The following B3GALT1 variants were observed in gnomAD, a reference collection of about 807,000 sequenced individuals.
B3GALT1 encodes beta-1,3-galactosyltransferase 1, also known as UDP-Gal:betaGlcNAc beta 1,3-galactosyltransferase, polypeptide 1.
B3GALT1 carries 10 observed loss-of-function variants against 23.2 expected under a neutral mutation model. The ratio of observed to expected loss-of-function variants is 0.43; its 90% CI spans 0.27 to 0.73. The LOEUF (loss-of-function observed/expected upper bound fraction) is 0.73, where lower values mean the gene tolerates loss of function less well. B3GALT1 is among the 30% of genes least tolerant of loss of function. The pLI is 0.21. For synonymous variants in B3GALT1, 156 were observed against 141.5 expected, an observed-to-expected ratio of 1.10 and a Z score of -0.73; for missense variants, 299 against 405.4, an observed-to-expected ratio of 0.74 and a Z score of 2.25.
intron 4 of B3GALT1, among the ~76,000 whole-genome samples, chr2:167,867,168 C>T (rs563870512): frequency 1.6e-4 from 24 of 152,244 alleles, no homozygotes; most frequent in Middle Eastern, 3.4e-3. Context: ...CCTCGTGATC[C>T]GCCCCCCTTG....
intron 1 of B3GALT1, among the ~76,000 whole-genome samples, chr2:167,354,892 A>G (rs1045187061): frequency 6.6e-6 from 1 of 150,684 alleles, no homozygotes; most frequent in Non-Finnish European, 1.5e-5. Context: ...CACTCATATT[A>G]TACATCAACC....
intron 4 of B3GALT1, among the ~76,000 whole-genome samples, chr2:167,866,883 C>G (rs944373621): frequency 6.6e-6 from 1 of 152,176 alleles, no homozygotes; most frequent in African/African-American, 2.4e-5. Context: ...TCACTTACAA[C>G]CTTTTGTAAT....
chr2:167,764,633 G>A (rs973132554), intron 3 of B3GALT1, among the ~76,000 whole-genome samples: 50 of 152,180 alleles, frequency 3.3e-4, no homozygotes, highest in African/African-American at 1.2e-3. Context: ...TATATTTCTA[G>A]ATAAATGCAC....
At chr2:167,557,360 AT>A (rs1401148395) in intron 2 of B3GALT1, among the ~76,000 whole-genome samples, 1 of 152,222 alleles carries the variant, frequency 6.6e-6, no homozygotes, top group Non-Finnish European at 1.5e-5. Context: ...AAACCTTATC[AT>A]TTTGATGCAA....
At chr2:167,534,014 T>C (rs1032035453) in intron 2 of B3GALT1, among the ~76,000 whole-genome samples, 2 of 151,680 alleles carry the variant, frequency 1.3e-5, no homozygotes, top group Non-Finnish European at 2.9e-5. Context: ...TTATGATAAT[T>C]ATTCATTTTT....
chr2:167,468,754 C>A (rs1485093207), intron 1 of B3GALT1, among the ~76,000 whole-genome samples: 1 of 152,102 alleles, frequency 6.6e-6, no homozygotes, highest in Admixed American at 6.6e-5. Context: ...TGCCTGAGTC[C>A]CAGCTACTTG....
chr2:167,520,787 C>T (rs972770658), intron 2 of B3GALT1, among the ~76,000 whole-genome samples: 10 of 152,112 alleles, frequency 6.6e-5, no homozygotes, highest in Non-Finnish European at 1.2e-4. Flanking sequence ...TTAAAATTTC[C>T]GTTGAAATCT....
chr2:167,400,176 G>GTGTGTGTGTGTC (rs1432387572), intron 1 of B3GALT1, among the ~76,000 whole-genome samples: 1 of 151,124 alleles, frequency 6.6e-6, no homozygotes, highest in African/African-American at 2.4e-5. Flanking sequence ...CTGTGTGTGT[G>GTGTGTGTGTGTC]TGTGTGTGTG....
chr2:167,872,317 C>T lies in B3GALT1; in HGVS notation c.*2297C>T, dbSNP rs1056746913. 6.6e-6 allele frequency: 1 copy of T among 152,188 alleles called. No homozygotes were observed. The highest frequency in any genetic ancestry group is 1.5e-5 in the Non-Finnish European group (1 of 68,066). 9.4% of individuals were successfully genotyped at this position (152,188 alleles called of 1,614,324 possible). ...CTTGTTTCTGCAAAACACGATCTCT[C>T]ATCCCCCACCCGAAAGGACCTGATA... is the stretch of plus-strand genomic sequence containing the variant. On this transcript the variant is annotated 3_prime_UTR_variant, in exon 5 of 5. Transcript: ENST00000392690.
chr2:167,745,913 T>C (rs1378808403), intron 3 of B3GALT1, among the ~76,000 whole-genome samples: 2 of 152,214 alleles, frequency 1.3e-5, no homozygotes, highest in Admixed American at 6.5e-5. Flanking sequence ...ACTTGAATTG[T>C]ATATTTATGA....
At chr2:167,493,640 T>G (rs1699740039) in intron 2 of B3GALT1, among the ~76,000 whole-genome samples, 1 of 152,104 alleles carries the variant, frequency 6.6e-6, no homozygotes, top group Admixed American at 6.6e-5. Context: ...ATGTTCTCTA[T>G]TTTCTATAAA....
intron 1 of B3GALT1, among the ~76,000 whole-genome samples, chr2:167,468,697 C>A (rs1296301656): frequency 6.6e-6 from 1 of 152,104 alleles, no homozygotes; most frequent in Non-Finnish European, 1.5e-5. Flanking sequence ...CATGGTGAAG[C>A]CCCATCTGTA....
chr2:167,330,658 G>T (rs1412645043), intron 1 of B3GALT1, among the ~76,000 whole-genome samples: 1 of 152,056 alleles, frequency 6.6e-6, no homozygotes, highest in African/African-American at 2.4e-5. Flanking sequence ...TTCTTTCAAT[G>T]AATTCTTCAG....
chr2:167,463,578 T>C (rs1226110937), intron 1 of B3GALT1, among the ~76,000 whole-genome samples: 1 of 152,200 alleles, frequency 6.6e-6, no homozygotes, highest in African/African-American at 2.4e-5. Context: ...AATCACTTAC[T>C]TGACCATTTC....
In B3GALT1 at chr2:167,458,534, A is replaced by G. The variant is rs141652021; in HGVS notation, c.-510-31643A>G. Among the ~76,000 whole-genome samples, 598 of 152,302 alleles carry G rather than the reference A, an allele frequency of 3.9e-3. 5 individuals carry two copies. The highest frequency in any genetic ancestry group is 0.014 in the South Asian group (67 of 4,824). ...TTTTAATTTTTTGAGAAACTTCTCT[A>G]CTGTCTTCCACACCAGCTGTACTAT... On this transcript the variant is annotated intron_variant, in intron 1 of 4. Coordinates refer to ENST00000392690, the MANE Select transcript of B3GALT1 (RefSeq NM_020981.4).
chr2:167,810,980 A>G (rs56412336), intron 3 of B3GALT1, among the ~76,000 whole-genome samples: 5,061 of 152,330 alleles, frequency 0.033, 124 homozygotes, highest in South Asian at 0.071. Flanking sequence ...AGAGAAGTTC[A>G]AGGCAACAAA....
chr2:167,797,016 G>A (rs1688555764), intron 3 of B3GALT1, among the ~76,000 whole-genome samples: 1 of 152,066 alleles, frequency 6.6e-6, no homozygotes, highest in Non-Finnish European at 1.5e-5. Context: ...TGCAGGACGT[G>A]CAGGTTTGTT....
At chr2:167,826,754 A>G (rs563491433) in intron 4 of B3GALT1, among the ~76,000 whole-genome samples, 147 of 152,364 alleles carry the variant, frequency 9.6e-4, no homozygotes, top group Non-Finnish European at 1.6e-3. Flanking sequence ...AATAAAACAT[A>G]ACAACACAAC....
rs367585628 is a variant in B3GALT1 at position 167,590,214 on chromosome 2, C to T, written c.-409-56695C>T. Among the ~76,000 whole-genome samples the T allele has an allele frequency of 2.2e-3, 339 of 152,014 alleles. 1 individual carries two copies. Among genetic ancestry groups the T allele is most frequent in the African/African-American group, 7.9e-3 (326 of 41,454 alleles). On this transcript the variant is annotated intron_variant, in intron 2 of 4. Transcript: ENST00000392690. Reference sequence around the variant, plus strand: ...ACAAAAAATTAGCCGGGCGTGGTGGCGGGCACCTGTAGTCCCAGCTACTTG... The same window carrying T: ...ACAAAAAATTAGCCGGGCGTGGTGGTGGGCACCTGTAGTCCCAGCTACTTG...
Sources: gnomAD v4.1 joint callset for allele counts (sites outside exome capture counted in the v4.1 genomes callset) on GRCh38, gnomAD v4.1.1 for gene constraint, MANE v1.5 for transcripts, NCBI Gene and HGNC (gene_info 2026-07-23, HGNC 2026-07-21) for gene names.